Variants in NCBP3 observed in about 807,000 individuals in gnomAD.
NCBP3 encodes the protein nuclear cap binding subunit 3, also known as nuclear cap-binding protein subunit 3.
NCBP3 carries 20 observed loss-of-function variants against 75.7 expected under a neutral mutation model. The observed-to-expected ratio is 0.26, with a 90% CI of 0.19 to 0.38. NCBP3 has a LOEUF of 0.38. NCBP3 is among the 10% of genes least tolerant of loss of function. The probability of loss-of-function intolerance (pLI) is 1.00; values close to 1 mark genes in which losing one functional copy is unlikely to be tolerated. For missense variants in NCBP3, 678 were observed against 796.9 expected, an observed-to-expected ratio of 0.85 and a Z score of 1.80; for synonymous variants, 293 against 290.5, an observed-to-expected ratio of 1.01 and a Z score of -0.09.
chr17:3,824,303 A>G (rs909212418), intron 7 of NCBP3: 4 of 151,998 alleles, frequency 2.6e-5, no homozygotes, highest in Admixed American at 1.3e-4. Flanking sequence ...AAAAACCAAT[A>G]TGTGTATATG....
Position 3,818,172 on chromosome 17 carries a change from T to A in NCBP3, c.1310+91A>T. 1 of 1,022,834 alleles carries A rather than the reference T, an allele frequency of 9.8e-7. No homozygotes were observed. 63.4% of individuals were successfully genotyped at this position (1,022,834 alleles called of 1,614,324 possible). ...TACAAGGGACTGAAATCAGAATAGA[T>A]AAAAGATATTATAAAATTAGGAGGA... On this transcript the variant is annotated intron_variant, in intron 10 of 12. Coordinates refer to ENST00000389005, the MANE Select transcript of NCBP3 (RefSeq NM_001114118.3). This position sits in a 1 kb window ranked among gnomAD's most constrained non-coding sequence, Gnocchi z 4.7.
In NCBP3 at chr17:3,811,429, T is replaced by A. The variant is rs749449450; in HGVS notation, c.*1615A>T. 6.6e-6 allele frequency: 1 copy of A among 152,108 alleles called. No individual in the cohort carries two copies. The highest frequency in any genetic ancestry group is 1.5e-5 in the Non-Finnish European group (1 of 68,024). 9.4% of individuals were successfully genotyped at this position (152,108 alleles called of 1,614,324 possible). A position where few individuals can be genotyped will look rare whatever the true frequency, so the allele number is the denominator to read the frequency against. ...AACCATCTCTTTCCTAGAATCCTAA[T>A]AAGAAGCTGAAATATATCATGGTTA... On this transcript the variant is annotated 3_prime_UTR_variant, in exon 13 of 13. Transcript: ENST00000389005.
intron 3 of NCBP3, among the ~76,000 whole-genome samples, chr17:3,834,135 CA>C (rs111256670): frequency 2.6e-4 from 40 of 152,252 alleles, no homozygotes; most frequent in African/African-American, 9.1e-4. Context: ...TTTAGGTGAG[CA>C]CAACTGACCA....
At position 3,813,141 on chromosome 17, in the gene NCBP3, T is replaced by C; in HGVS notation, c.1766A>G (p.Glu589Gly). Residue 589 changes from glutamate (E) to glycine (G), a missense_variant, in exon 13 of 13, where the codon GAG becomes GGG. Physicochemically the swap from Glu to Gly is moderately conservative, Grantham distance 98. Around this residue, in one of 7 missense-constraint regions of NCBP3, gnomAD observed 365 missense variants for 392.7 expected, o/e 0.93. Coordinates refer to ENST00000389005, the MANE Select transcript of NCBP3 (RefSeq NM_001114118.3). Reference protein sequence around the residue: ...RAWGALIKEKEQSRQKKSRLD... With the variant: ...RAWGALIKEKGQSRQKKSRLD... ...CCGGCTCTTCTTTTGGCGAGACTGC[T>C]CTTTCTCCTTAATCAGAGCCCCCCA... is the stretch of plus-strand genomic sequence containing the variant. The C allele has an allele frequency of 6.2e-7, 1 of 1,614,248 alleles. No individual in the cohort carries two copies. Among genetic ancestry groups the C allele is most frequent in the Non-Finnish European group, 8.5e-7 (1 of 1,180,050 alleles).
intron 11 of NCBP3, among the ~76,000 whole-genome samples, chr17:3,815,827 G>A (rs992904752): frequency 6.6e-6 from 1 of 152,176 alleles, no homozygotes; most frequent in Non-Finnish European, 1.5e-5. Context: ...AAGCATCAAT[G>A]GATTTTGGTA....
Position 3,833,167 on chromosome 17 carries a change from C to T in NCBP3, c.356-3799G>A, listed in dbSNP as rs187704539. Among the ~76,000 whole-genome samples, 59 of 152,186 alleles carry T rather than the reference C, an allele frequency of 3.9e-4. 1 individual carries two copies. In the East Asian group the frequency reaches 7.7e-3, roughly 20 times the overall value. On this transcript the variant is annotated intron_variant, in intron 3 of 12. Transcript: ENST00000389005. ...ACTCAGGAGGCTGAGGTGGTATGAT[C>T]GCCTGAGCCCAGGAGGTTGAGGCTG...
intron 2 of NCBP3, among the ~76,000 whole-genome samples, chr17:3,840,412 C>T (rs533087251): frequency 1.3e-5 from 2 of 152,190 alleles, no homozygotes; most frequent in East Asian, 1.9e-4. Context: ...CAACCATCTC[C>T]GACATAACAC....
Position 3,812,869 on chromosome 17 carries a change from G to A in NCBP3, c.*175C>T, listed in dbSNP as rs1306479088. 24 of 1,431,898 alleles carry A rather than the reference G, an allele frequency of 1.7e-5. No individual in the cohort carries two copies. The East Asian group carries it at 4.6e-4, about 27-fold the overall frequency. The allele number at this position is 1,431,898 out of a possible 1,614,324, so 88.7% of individuals were successfully genotyped here. The stretch of plus-strand genomic sequence containing the variant: ...CAACTCTGCAGCGAAAGATAGAGAT[G>A]CCCTTGAAAATGTGTCACATTCTTA... On this transcript the variant is annotated 3_prime_UTR_variant, in exon 13 of 13. Transcript: ENST00000389005.
At chr17:3,822,252 C>T (rs1555532224) in intron 7 of NCBP3, 200 bp from the exon 8 acceptor site, 2 of 467,006 alleles carry the variant, frequency 4.3e-6, no homozygotes, top group South Asian at 3.8e-5. Flanking sequence ...AATACAGAGA[C>T]GAATGAGGTT....
In NCBP3 at chr17:3,818,475, A is replaced by G. The variant is rs773526709; in HGVS notation, c.1098T>C (p.Asp366=). The G allele has an allele frequency of 1.2e-6, 2 of 1,613,934 alleles. No homozygotes were observed. The highest frequency in any genetic ancestry group is 1.1e-5 in the South Asian group (1 of 91,078). The change falls in exon 10 of 13, where the codon GAT becomes GAC. Residue 366 remains aspartate, a synonymous_variant. Coordinates refer to ENST00000389005, the MANE Select transcript of NCBP3 (RefSeq NM_001114118.3). The surrounding 1 kb of genome is among the most constrained non-coding windows in gnomAD (Gnocchi z 4.7). The part of the protein sequence containing the change: ...EEEEDQDMDA[D]DRVVVEYHEE... ...CGTGGTACTCTACCACCACTCTGTC[A>G]TCTGCATCCATGTCCTGGTCTTCTT... is the stretch of plus-strand genomic sequence containing the variant.
At chr17:3,836,588 GGT>G (rs2053975434) in intron 3 of NCBP3, among the ~76,000 whole-genome samples, 1 of 150,084 alleles carries the variant, frequency 6.7e-6, no homozygotes, top group African/African-American at 2.5e-5. Context: ...AGGAGGCGGA[GGT>G]TATAGTGAGC....
At chr17:3,820,058 T>C (rs1036173846) in intron 9 of NCBP3, among the ~76,000 whole-genome samples, 1 of 152,116 alleles carries the variant, frequency 6.6e-6, no homozygotes, top group South Asian at 2.1e-4. Context: ...GCTCAGGCAA[T>C]CTCAGCCTCC....
chr17:3,831,527 C>T (rs532694108), intron 3 of NCBP3, among the ~76,000 whole-genome samples: 10 of 126,268 alleles, frequency 7.9e-5, no homozygotes, highest in Non-Finnish European at 1.7e-4. Flanking sequence ...GAGCCAAAAT[C>T]GCGCCACTGC....
intron 4 of NCBP3, among the ~76,000 whole-genome samples, chr17:3,826,439 A>C (rs1268181993): frequency 6.6e-6 from 1 of 152,008 alleles, no homozygotes; most frequent in Non-Finnish European, 1.5e-5. Context: ...TTGGAGTGAG[A>C]TCATCCTGGG....
chr17:3,827,407 T>C (rs912623785), intron 4 of NCBP3, among the ~76,000 whole-genome samples: 1 of 152,218 alleles, frequency 6.6e-6, no homozygotes, highest in Non-Finnish European at 1.5e-5. Flanking sequence ...CCCTTCATCA[T>C]TCCCATTGGA....
intron 12 of NCBP3, among the ~76,000 whole-genome samples, 163 bp from the exon 13 acceptor site, chr17:3,813,442 G>A (rs573890880): frequency 3.9e-5 from 6 of 152,304 alleles, no homozygotes; most frequent in East Asian, 3.9e-4. Flanking sequence ...CTCATTTCCC[G>A]GGCCGCAGCC....
rs1195663504 is a variant in NCBP3, at chr17:3,832,455, C to T, written c.356-3087G>A. Among the ~76,000 whole-genome samples the T allele has an allele frequency of 1.3e-4, 15 of 116,916 alleles. 4 individuals are homozygous for T. Among genetic ancestry groups the T allele is most frequent in the Non-Finnish European group, 1.8e-4 (9 of 48,792 alleles). 76.7% of individuals were successfully genotyped at this position (116,916 alleles called of 152,430 possible). A position where few individuals can be genotyped will look rare whatever the true frequency, so the allele number is the denominator to read the frequency against. On this transcript the variant is annotated intron_variant, in intron 3 of 12. Coordinates refer to ENST00000389005, the MANE Select transcript of NCBP3 (RefSeq NM_001114118.3). ...ACCATCCTGGCCAACACGGTGAAACCCCGTCTCTACTAAAAATACAAAACA... is the reference window on the plus strand; with the variant it reads ...ACCATCCTGGCCAACACGGTGAAACTCCGTCTCTACTAAAAATACAAAACA...
intron 2 of NCBP3, among the ~76,000 whole-genome samples, chr17:3,841,573 T>C (rs1343666969): frequency 6.6e-6 from 1 of 151,938 alleles, no homozygotes; most frequent in Non-Finnish European, 1.5e-5. Flanking sequence ...TATTCTCTTT[T>C]CTTGTCTAAA....
At chr17:3,844,928 C>T (rs1480746969) in intron 1 of NCBP3, among the ~76,000 whole-genome samples, 2 of 152,144 alleles carry the variant, frequency 1.3e-5, no homozygotes. Context: ...GAGCGAACTC[C>T]GTCTCAAAAC....
Sources: gnomAD v4.1 joint callset for allele counts (sites outside exome capture counted in the v4.1 genomes callset) on GRCh38, gnomAD v4.1.1 for gene constraint, gnomAD v4.1.1 regional missense constraint, Gnocchi (gnomAD v3.1) non-coding constraint, MANE v1.5 for transcripts, NCBI Gene and HGNC (gene_info 2026-07-23, HGNC 2026-07-21) for gene names.